JPH3: variants seen among roughly 807,000 people sequenced by gnomAD.
JPH3 encodes junctophilin-3.
In JPH3, 11 loss-of-function variants were observed where a neutral mutation model predicts 59.6. The ratio of observed to expected loss-of-function variants is 0.18; its 90% CI spans 0.12 to 0.31. The LOEUF is 0.31. JPH3 is among the 10% of genes least tolerant of loss of function. JPH3 has a pLI of 1.00. For synonymous variants in JPH3, 673 were observed against 483.6 expected (o/e 1.39, Z -5.14); for missense variants, 1,202 against 1,105.7 (o/e 1.09, Z -1.24).
chr16:87,695,718 C>T (rs1047766578), intron 4 of JPH3: 5 of 419,856 alleles, frequency 1.2e-5, no homozygotes, highest in South Asian at 3.2e-5. Flanking sequence ...AGAGGGGCCA[C>T]GCTCCCTCTC....
intron 1 of JPH3, among the ~76,000 whole-genome samples, chr16:87,630,231 GC>G (rs994844668): frequency 6.6e-6 from 1 of 152,154 alleles, no homozygotes; most frequent in African/African-American, 2.4e-5. Flanking sequence ...CCTATTTGCT[GC>G]CCACCTCTGG....
In JPH3 at chr16:87,644,658, C is replaced by T; in HGVS notation, c.783C>T (p.His261=). ...STVSSTASDI[H]STISLGEAEA... ...TCAGCTCCACGGCCAGCGACATCCACTCCACCATCAGCCTGGGCGAGGCTG... is the reference window on the plus strand; with the variant it reads ...TCAGCTCCACGGCCAGCGACATCCATTCCACCATCAGCCTGGGCGAGGCTG... The change falls in exon 2 of 5, where the codon CAC becomes CAT. Residue 261 remains histidine (H), a synonymous_variant. Coordinates refer to ENST00000284262, the MANE Select transcript of JPH3 (RefSeq NM_020655.4). 1.2e-5 allele frequency: 19 copies of T among 1,611,932 alleles called. No individual in the cohort carries two copies. Among genetic ancestry groups the T allele is most frequent in the East Asian group, 2.2e-5 (1 of 44,836 alleles).
intron 2 of JPH3, among the ~76,000 whole-genome samples, chr16:87,662,425 A>ATT (rs34067871): frequency 0.064 from 9,554 of 148,504 alleles, 337 homozygotes; most frequent in Non-Finnish European, 0.083. Flanking sequence ...CTCGCGTCTG[A>ATT]TTTTTTTTTT....
rs1338867369 is a variant in JPH3 at position 87,644,727 on chromosome 16, C to G, written c.852C>G (p.Thr284=). 2 of 1,612,754 alleles carry G rather than the reference C, an allele frequency of 1.2e-6. No individual in the cohort carries two copies. The highest frequency in any genetic ancestry group is 2.7e-5 in the African/African-American group (2 of 75,036). ...AVIEDDIDAT[T]TETYVGEWKN... is the part of the protein sequence containing the mutation. Reference sequence around the variant, plus strand: ...TCGAGGACGACATCGACGCCACCACCACCGAGACCTACGTGGGCGAGTGGA... The same window carrying G: ...TCGAGGACGACATCGACGCCACCACGACCGAGACCTACGTGGGCGAGTGGA... The change falls in exon 2 of 5, where the codon ACC becomes ACG. Residue 284 remains threonine (T), a synonymous_variant. Coordinates refer to ENST00000284262, the MANE Select transcript of JPH3 (RefSeq NM_020655.4).
rs1332904859 is a variant in JPH3 at position 87,695,728 on chromosome 16, C to A, written c.2167-852C>A. ...TTCCCAGAGGGGCCACGCTCCCTCTCCCCCTGCCTGGTGTGAGCAGAACAC... is the reference window on the plus strand; with the variant it reads ...TTCCCAGAGGGGCCACGCTCCCTCTACCCCTGCCTGGTGTGAGCAGAACAC... On this transcript the variant is annotated intron_variant, in intron 4 of 4. Transcript: ENST00000284262. 13 of 455,674 alleles carry A rather than the reference C, an allele frequency of 2.9e-5. No homozygotes were observed. In the East Asian group the frequency reaches 8.3e-4, roughly 29 times the overall value. 28.2% of individuals were successfully genotyped at this position (455,674 alleles called of 1,614,324 possible).
At chr16:87,608,216 G>T (rs2030598259) in intron 1 of JPH3, among the ~76,000 whole-genome samples, 1 of 152,258 alleles carries the variant, frequency 6.6e-6, no homozygotes, top group Non-Finnish European at 1.5e-5. Flanking sequence ...AGAAGGGGTG[G>T]AGTGTGGGGG....
In JPH3 at chr16:87,689,557, T is replaced by C. The variant is rs929622136; in HGVS notation, c.1286-89T>C. On this transcript the variant is annotated intron_variant, in intron 3 of 4. Coordinates refer to ENST00000284262, the MANE Select transcript of JPH3 (RefSeq NM_020655.4). Reference sequence around the variant, plus strand: ...GGAAGCGCCTCTGCTGCCCTGAGGTTCCCTCTGGCGCCCTGGCCCGGGGAC... The same window carrying C: ...GGAAGCGCCTCTGCTGCCCTGAGGTCCCCTCTGGCGCCCTGGCCCGGGGAC... 3.8e-5 allele frequency: 54 copies of C among 1,402,976 alleles called. No homozygotes were observed. In the Middle Eastern group the frequency reaches 1.2e-3, roughly 31 times the overall value. 86.9% of individuals were successfully genotyped at this position (1,402,976 alleles called of 1,614,324 possible).
chr16:87,623,823 T>G (rs950541805), intron 1 of JPH3, among the ~76,000 whole-genome samples: 5 of 152,112 alleles, frequency 3.3e-5, no homozygotes, highest in African/African-American at 1.2e-4. Context: ...AACTGTGGGG[T>G]CCTCCCTGGG....
chr16:87,689,079 C>G (rs2142832859), intron 3 of JPH3, among the ~76,000 whole-genome samples: 1 of 152,236 alleles, frequency 6.6e-6, no homozygotes, highest in Admixed American at 6.5e-5. Context: ...GGGAGCCCCG[C>G]CCTAGGACTT....
rs557773887 is a variant in JPH3 at position 87,614,758 on chromosome 16, G to A, written c.382+11230G>A. On this transcript the variant is annotated intron_variant, in intron 1 of 4. Transcript: ENST00000284262. ...CCGCGCGTCCCCTCCCGGGATAAACGCTGGTCCCTGCACACACGAGGAGCC... is the reference window on the plus strand; with the variant it reads ...CCGCGCGTCCCCTCCCGGGATAAACACTGGTCCCTGCACACACGAGGAGCC... 4.4e-4 allele frequency among the ~76,000 whole-genome samples: 62 copies of A among 139,798 alleles called. 1 individual carries two copies. The South Asian group carries it at 8.6e-3, about 19-fold the overall frequency. 91.7% of individuals were successfully genotyped at this position (139,798 alleles called of 152,430 possible).
At position 87,690,558 on chromosome 16, in the gene JPH3, G is replaced by A. The variant is rs113546282; in HGVS notation, c.2166+32G>A. On this transcript the variant is annotated intron_variant, in intron 4 of 4. Coordinates refer to ENST00000284262, the MANE Select transcript of JPH3 (RefSeq NM_020655.4). ...GGGCGGCCACCAGGCTGGTCCCAGTGGAGGCAACATCCACCTCTCTGCTGA... is the reference window on the plus strand; with the variant it reads ...GGGCGGCCACCAGGCTGGTCCCAGTAGAGGCAACATCCACCTCTCTGCTGA... 680 of 1,443,226 alleles carry A rather than the reference G, an allele frequency of 4.7e-4. 2 individuals carry two copies. The African/African-American group carries it at 6.1e-3, about 13-fold the overall frequency. The allele number at this position is 1,443,226 out of a possible 1,614,324, so 89.4% of individuals were successfully genotyped here.
chr16:87,695,170 G>A, intron 4 of JPH3: 1 of 373,768 alleles, frequency 2.7e-6, no homozygotes, highest in Non-Finnish European at 5.3e-6. Flanking sequence ...GGGGAAGGGG[G>A]AGGCCCGTTG....
intron 1 of JPH3, among the ~76,000 whole-genome samples, chr16:87,639,477 G>A (rs1203559265): frequency 3.9e-5 from 6 of 152,126 alleles, no homozygotes; most frequent in East Asian, 3.8e-4. Flanking sequence ...TCATCTTCAC[G>A]TGTGCCGTTC....
At chr16:87,656,121 G>T (rs920700778) in intron 2 of JPH3, among the ~76,000 whole-genome samples, 1 of 152,232 alleles carries the variant, frequency 6.6e-6, no homozygotes, top group African/African-American at 2.4e-5. Flanking sequence ...GGTCAGCCCA[G>T]TGTATGCTGT....
In JPH3 at chr16:87,644,643, G is replaced by A. The variant is rs9934222; in HGVS notation, c.768G>A (p.Thr256=). Reference sequence around the variant, plus strand: ...CGGGCATGAGCACCGTCAGCTCCACGGCCAGCGACATCCACTCCACCATCA... The same window carrying A: ...CGGGCATGAGCACCGTCAGCTCCACAGCCAGCGACATCCACTCCACCATCA... The part of the protein sequence containing the change: ...SEAGMSTVSS[T]ASDIHSTISL... The change falls in exon 2 of 5, where the codon ACG becomes ACA. Residue 256 remains threonine (T), a synonymous_variant. Coordinates refer to ENST00000284262, the MANE Select transcript of JPH3 (RefSeq NM_020655.4). 0.14 allele frequency: 222,912 copies of A among 1,611,644 alleles called. 16,476 individuals carry two copies. The highest frequency in any genetic ancestry group is 0.17 in the Middle Eastern group (1,033 of 6,060).
chr16:87,631,578 C>G (rs180846809), intron 1 of JPH3, among the ~76,000 whole-genome samples: 51 of 152,278 alleles, frequency 3.3e-4, no homozygotes, highest in Admixed American at 1.7e-3. Flanking sequence ...TTGGGTGTCT[C>G]TCCCCTCATT....
intron 1 of JPH3, among the ~76,000 whole-genome samples, chr16:87,627,231 G>A (rs549820997): frequency 1.3e-5 from 2 of 152,272 alleles, no homozygotes; most frequent in Non-Finnish European, 2.9e-5. Flanking sequence ...TTAAACCCAC[G>A]TTGTGGGGCC....
At chr16:87,622,106 G>T (rs1077301) in intron 1 of JPH3, among the ~76,000 whole-genome samples, 1 of 145,432 alleles carries the variant, frequency 6.9e-6, no homozygotes, top group Non-Finnish European at 1.5e-5. Context: ...TGTCAGGGGG[G>T]GGCCCCTTTG....
At chr16:87,616,230 G>A (rs866461135) in intron 1 of JPH3, among the ~76,000 whole-genome samples, 1,644 of 132,378 alleles carry the variant, frequency 0.012, 27 homozygotes, top group African/African-American at 0.029. Flanking sequence ...GTGTGTGTGT[G>A]TGTGTGTATT....
Sources: gnomAD v4.1 joint callset for allele counts (sites outside exome capture counted in the v4.1 genomes callset) on GRCh38, gnomAD v4.1.1 for gene constraint, MANE v1.5 for transcripts, NCBI Gene and HGNC (gene_info 2026-07-23, HGNC 2026-07-21) for gene names.